Variants in AUH observed in about 807,000 individuals in gnomAD.
AUH encodes methylglutaconyl-CoA hydratase, mitochondrial.
In AUH, 29 loss-of-function variants were observed where a neutral mutation model predicts 42.3. That is an observed-to-expected ratio of 0.69 (90% CI 0.51 to 0.93). The LOEUF (loss-of-function observed/expected upper bound fraction) is 0.93, where lower values mean the gene tolerates loss of function less well. Ranked by LOEUF, AUH falls within the 40% of genes least tolerant of loss-of-function variation. The pLI, the probability that AUH is intolerant of heterozygous loss-of-function variation, is 0.00. For missense variants in AUH, 452 were observed against 438.1 expected (o/e 1.03, Z -0.28); for synonymous variants, 174 against 166.4 (o/e 1.05, Z -0.35).
intron 7 of AUH, chr9:91,218,881 A>G: frequency 1.0e-6 from 1 of 985,468 alleles, no homozygotes; most frequent in Non-Finnish European, 1.2e-6. Context: ...TGACTCGTGC[A>G]TGTAATTTTG....
At chr9:91,339,745 T>C (rs1830963200) in intron 3 of AUH, among the ~76,000 whole-genome samples, 1 of 152,210 alleles carries the variant, frequency 6.6e-6, no homozygotes. Flanking sequence ...TAACTGGTAC[T>C]GGATCCCCTC....
chr9:91,250,374 A>C (rs2131382678), intron 6 of AUH, among the ~76,000 whole-genome samples: 1 of 152,344 alleles, frequency 6.6e-6, no homozygotes, highest in African/African-American at 2.4e-5. Context: ...ATCACTCAGC[A>C]AACACAGTGT....
intron 4 of AUH, among the ~76,000 whole-genome samples, chr9:91,311,071 C>G (rs1325350785): frequency 6.6e-6 from 1 of 152,144 alleles, no homozygotes; most frequent in African/African-American, 2.4e-5. Context: ...ATAAAACTTA[C>G]ATCAGATTTT....
intron 5 of AUH, 77 bp from the exon 6 acceptor site, chr9:91,296,154 T>C: frequency 7.3e-7 from 1 of 1,362,064 alleles, no homozygotes; most frequent in Non-Finnish European, 1.0e-6. Flanking sequence ...AGTTATGAGA[T>C]ATACTAAAAT....
intron 3 of AUH, among the ~76,000 whole-genome samples, chr9:91,339,925 G>T (rs1830978628): frequency 6.6e-6 from 1 of 152,190 alleles, no homozygotes; most frequent in Non-Finnish European, 1.5e-5. Flanking sequence ...TCAGCGTGCA[G>T]GGAGGCTGAG....
At chr9:91,340,799 A>C (rs142714019) in intron 3 of AUH, among the ~76,000 whole-genome samples, 46 of 152,334 alleles carry the variant, frequency 3.0e-4, no homozygotes, top group African/African-American at 1.1e-3. Context: ...AAACAGAGAA[A>C]ACTGGAGTGT....
chr9:91,230,398 G>A (rs968887369), intron 6 of AUH, among the ~76,000 whole-genome samples: 1 of 151,628 alleles, frequency 6.6e-6, no homozygotes, highest in Admixed American at 6.6e-5. Context: ...TTGGTTTTCA[G>A]CTCCATCAGC....
intron 3 of AUH, among the ~76,000 whole-genome samples, chr9:91,347,170 T>C (rs1831576144): frequency 6.6e-6 from 1 of 152,124 alleles, no homozygotes; most frequent in Non-Finnish European, 1.5e-5. Context: ...CTCAAGTAGC[T>C]GGGATTACAG....
chr9:91,300,978 A>G (rs1259847128), intron 4 of AUH, among the ~76,000 whole-genome samples: 1 of 152,186 alleles, frequency 6.6e-6, no homozygotes, highest in Admixed American at 6.5e-5. Flanking sequence ...CATCACATCA[A>G]TGCTACTCAA....
chr9:91,301,228 G>A (rs1827759118), intron 4 of AUH, among the ~76,000 whole-genome samples: 1 of 152,160 alleles, frequency 6.6e-6, no homozygotes, highest in African/African-American at 2.4e-5. Flanking sequence ...CGTAAGTGCT[G>A]AAGTCACTCA....
chr9:91,248,165 T>C (rs1662366729), intron 6 of AUH, among the ~76,000 whole-genome samples: 1 of 152,248 alleles, frequency 6.6e-6, no homozygotes. Flanking sequence ...ACATTTTAAG[T>C]CTGTGATCCA....
At chr9:91,218,126 A>C (rs1360361459) in intron 7 of AUH, among the ~76,000 whole-genome samples, 2 of 152,218 alleles carry the variant, frequency 1.3e-5, no homozygotes, top group Non-Finnish European at 2.9e-5. Context: ...GTAGGCTCTA[A>C]ACAACAGGCA....
intron 6 of AUH, among the ~76,000 whole-genome samples, chr9:91,253,504 G>C (rs1455633654): frequency 2.0e-5 from 3 of 152,278 alleles, no homozygotes; most frequent in East Asian, 3.9e-4. Flanking sequence ...TTATTTCATG[G>C]GCCTAAGGCT....
At chr9:91,311,469 C>A (rs548179442) in intron 4 of AUH, among the ~76,000 whole-genome samples, 29 of 152,170 alleles carry the variant, frequency 1.9e-4, no homozygotes, top group Non-Finnish European at 2.8e-4. Flanking sequence ...ACACTAAATT[C>A]TGTAATCTAA....
chr9:91,220,694 C>G, intron 7 of AUH, 111 bp downstream of exon 7: 1 of 1,200,114 alleles, frequency 8.3e-7, no homozygotes. Flanking sequence ...CATCCCTTTA[C>G]TTGGAAGCAA....
chr9:91,292,770 G>A (rs1020490276), intron 6 of AUH, among the ~76,000 whole-genome samples: 11 of 151,986 alleles, frequency 7.2e-5, no homozygotes, highest in East Asian at 1.9e-4. Flanking sequence ...CACTGTCTAC[G>A]TAAGCTAAAA....
chr9:91,357,381 GAATAA>G (rs1335585672), intron 1 of AUH: 1 of 535,586 alleles, frequency 1.9e-6, no homozygotes, highest in African/African-American at 2.1e-5. Context: ...CTCTATACTT[GAATAA>G]AACTGTGTTA....
chr9:91,262,924 T>TA (rs1232602552), intron 6 of AUH, among the ~76,000 whole-genome samples: 2 of 152,194 alleles, frequency 1.3e-5, no homozygotes, highest in African/African-American at 4.8e-5. Flanking sequence ...CGATCTCACT[T>TA]ACAGGCCACA....
At chr9:91,305,241 G>A (rs556261393) in intron 4 of AUH, among the ~76,000 whole-genome samples, 30 of 152,180 alleles carry the variant, frequency 2.0e-4, no homozygotes, top group Non-Finnish European at 2.8e-4. Context: ...TAGAAAGGAC[G>A]TATTCTTTAA....
Sources: gnomAD v4.1 joint callset for allele counts (sites outside exome capture counted in the v4.1 genomes callset) on GRCh38, gnomAD v4.1.1 for gene constraint, MANE v1.5 for transcripts, NCBI Gene and HGNC (gene_info 2026-07-23, HGNC 2026-07-21) for gene names.